G3BP2: variants seen among roughly 807,000 people sequenced by gnomAD.
G3BP2 encodes G3BP stress granule assembly factor 2, also known as ras GTPase-activating protein-binding protein 2.
A neutral mutation model predicts 56.7 loss-of-function variants in G3BP2; 11 were observed. That is an observed-to-expected ratio of 0.19 (90% CI 0.12 to 0.32). G3BP2 has a LOEUF of 0.32. Ranked by LOEUF, G3BP2 falls within the 10% of genes least tolerant of loss-of-function variation. The pLI is 1.00. For synonymous variants in G3BP2, 165 were observed against 191.6 expected, an observed-to-expected ratio of 0.86 and a Z score of 1.15; for missense variants, 340 against 610.9, an observed-to-expected ratio of 0.56 and a Z score of 4.67.
intron 3 of G3BP2, among the ~76,000 whole-genome samples, chr4:75,685,449 C>T (rs376099193): frequency 5.5e-5 from 8 of 146,112 alleles, no homozygotes; most frequent in South Asian, 4.3e-4. Flanking sequence ...TGCAGTGAGC[C>T]GAGATCGCGT....
intron 7 of G3BP2, 112 bp from the exon 8 acceptor site, chr4:75,654,193 T>G (rs1424269217): frequency 5.0e-6 from 3 of 594,876 alleles, no homozygotes; most frequent in Non-Finnish European, 9.2e-6. Flanking sequence ...TTGCTCTATA[T>G]TGGAAGACTC....
chr4:75,667,459 T>G (rs915031697), intron 1 of G3BP2, among the ~76,000 whole-genome samples: 31 of 152,254 alleles, frequency 2.0e-4, no homozygotes, highest in African/African-American at 6.7e-4. Flanking sequence ...TATATCACAC[T>G]CCACTTCTTC....
intron 2 of G3BP2, among the ~76,000 whole-genome samples, chr4:75,720,973 C>CAAAAA (rs143804378): frequency 1.4e-4 from 10 of 69,448 alleles, no homozygotes; most frequent in African/African-American, 2.6e-4. Context: ...TTCATCTCTA[C>CAAAAA]AAAAAAAAAA....
chr4:75,693,501 T>C (rs1718960144), intron 3 of G3BP2, among the ~76,000 whole-genome samples: 1 of 150,216 alleles, frequency 6.7e-6, no homozygotes, highest in Non-Finnish European at 1.5e-5. Context: ...TTTTTAAGAG[T>C]TGGAGTCTGC....
At chr4:75,654,565 A>G (rs1731942331) in intron 7 of G3BP2, among the ~76,000 whole-genome samples, 1 of 152,254 alleles carries the variant, frequency 6.6e-6, no homozygotes, top group South Asian at 2.1e-4. Flanking sequence ...CTTTGAAGAA[A>G]GATAAAAGAA....
chr4:75,676,336 A>ATTTTTTTTTTTTTTTTTTTTTTTT (rs34017434), upstream of G3BP2, among the ~76,000 whole-genome samples: 1 of 92,078 alleles, frequency 1.1e-5, no homozygotes. Context: ...ATTGCCAATA[A>ATTTTTTTTTTTTTTTTTTTTTTTT]TTTTTTTTTT....
In G3BP2 at chr4:75,673,262, G is replaced by C; in HGVS notation, c.-79C>G. 1 of 1,223,732 alleles carries C rather than the reference G, an allele frequency of 8.2e-7. No homozygotes were observed. Among genetic ancestry groups the C allele is most frequent in the Non-Finnish European group, 1.0e-6 (1 of 983,026 alleles). The allele number at this position is 1,223,732 out of a possible 1,614,324, so 75.8% of individuals were successfully genotyped here. Reference sequence around the variant, plus strand: ...GCGCGGAGGTCAGAAGAGTCGCTGAGGACCGGGTGCGGCGGGTTCTTATTG... The same window carrying C: ...GCGCGGAGGTCAGAAGAGTCGCTGACGACCGGGTGCGGCGGGTTCTTATTG... On this transcript the variant is annotated 5_prime_UTR_variant, in exon 1 of 12. Transcript: ENST00000359707.
At chr4:75,705,249 CA>C (rs1161161970) in intron 3 of G3BP2, among the ~76,000 whole-genome samples, 2 of 152,180 alleles carry the variant, frequency 1.3e-5, no homozygotes, top group African/African-American at 4.8e-5. Flanking sequence ...CTCAGAGATG[CA>C]GATAGCCCAT....
chr4:75,674,718 A>ATATATATATATATATATTTTTT (rs1241041465), upstream of G3BP2, among the ~76,000 whole-genome samples: 1 of 71,424 alleles, frequency 1.4e-5, no homozygotes, highest in African/African-American at 5.9e-5. Context: ...ATATATATAT[A>ATATATATATATATATATTTTTT]TTTTTTTTTT....
intron 3 of G3BP2, among the ~76,000 whole-genome samples, chr4:75,691,611 G>A (rs565711544): frequency 6.6e-6 from 1 of 152,264 alleles, no homozygotes; most frequent in South Asian, 2.1e-4. Flanking sequence ...ATTACTCACT[G>A]CTTACCTTCT....
intron 3 of G3BP2, among the ~76,000 whole-genome samples, chr4:75,693,109 T>G (rs545003151): frequency 6.6e-6 from 1 of 152,176 alleles, no homozygotes; most frequent in African/African-American, 2.4e-5. Context: ...ACGGGTGTGG[T>G]GGTACACGCC....
In G3BP2 at chr4:75,645,112, A is replaced by AG; in HGVS notation, c.*317dup. 3.4e-6 allele frequency: 1 copy of AG among 292,778 alleles called. No individual in the cohort carries two copies. Among genetic ancestry groups the AG allele is most frequent in the African/African-American group, 2.2e-5 (1 of 45,560 alleles). 18.1% of individuals were successfully genotyped at this position (292,778 alleles called of 1,614,324 possible). On this transcript the variant is annotated 3_prime_UTR_variant, in exon 12 of 12. Transcript: ENST00000359707. ...ACACTTAAACAAAATGTGCAGCAGA[A>AG]GATTTTTTTTTTACTCAAAGGACCT...
chr4:75,647,189 T>G lies in G3BP2; in HGVS notation c.929-32A>C, dbSNP rs749372498. On this transcript the variant is annotated intron_variant, in intron 9 of 11. Transcript: ENST00000359707. The stretch of plus-strand genomic sequence containing the variant: ...ATAGAAATAGAGCAGATACTAAAGT[T>G]TACAATATCATAAAAACTACTTCAA... 5 of 1,440,440 alleles carry G rather than the reference T, an allele frequency of 3.5e-6. No homozygotes were observed. In the Admixed American group the frequency reaches 1.1e-4, roughly 32 times the overall value. The allele number at this position is 1,440,440 out of a possible 1,614,324, so 89.2% of individuals were successfully genotyped here.
intron 3 of G3BP2, among the ~76,000 whole-genome samples, chr4:75,700,343 C>T (rs188787929): frequency 3.1e-4 from 45 of 147,172 alleles, no homozygotes; most frequent in African/African-American, 1.0e-3. Flanking sequence ...TGAGCCACCA[C>T]GCCCAGCCCT....
rs1183465828 is a variant in G3BP2 at position 75,695,671 on chromosome 4, C to T, written c.-25+25206G>A. ...CTACTCTGGCAGTCAAAGACGCATA[C>T]ACAAAAGCCCAAAACACCTGAGGCC... On this transcript the variant is annotated intron_variant, in intron 3 of 3. Coordinates refer to the G3BP2 transcript ENST00000499709. 2.0e-5 allele frequency among the ~76,000 whole-genome samples: 3 copies of T among 152,096 alleles called. No homozygotes were observed. In the East Asian group the frequency reaches 5.8e-4, roughly 29 times the overall value.
chr4:75,708,706 C>T (rs958446634), intron 3 of G3BP2, among the ~76,000 whole-genome samples: 3 of 152,220 alleles, frequency 2.0e-5, no homozygotes, highest in African/African-American at 7.2e-5. Flanking sequence ...CATGGTGGCT[C>T]ATGCCTGTAG....
chr4:75,660,301 T>G (rs1170412131), intron 2 of G3BP2, among the ~76,000 whole-genome samples: 1 of 152,202 alleles, frequency 6.6e-6, no homozygotes, highest in Non-Finnish European at 1.5e-5. Flanking sequence ...AAAAAAATCT[T>G]TATTTTTACA....
At chr4:75,712,289 G>C (rs1436081255) in intron 3 of G3BP2, among the ~76,000 whole-genome samples, 1 of 151,636 alleles carries the variant, frequency 6.6e-6, no homozygotes, top group East Asian at 1.9e-4. Context: ...AACTTAGCTG[G>C]GATCATTCAG....
At chr4:75,648,837 T>C (rs1308943803) in intron 8 of G3BP2, 96 bp from the exon 9 acceptor site, 5 of 660,964 alleles carry the variant, frequency 7.6e-6, no homozygotes, top group South Asian at 5.3e-5. Flanking sequence ...GACATAACAG[T>C]AGTTTTAAGT....
Sources: allele counts gnomAD v4.1 joint callset (sites outside exome capture counted in the v4.1 genomes callset), GRCh38; gene constraint gnomAD v4.1.1; transcripts MANE v1.5; gene names NCBI Gene and HGNC (gene_info 2026-07-23, HGNC 2026-07-21).